Variants in MSRA observed in about 807,000 individuals in gnomAD.
The protein encoded by MSRA is methionine sulfoxide reductase A.
Under a neutral mutation model 31.3 loss-of-function variants are expected in MSRA, and 54 were observed. The ratio of observed to expected loss-of-function variants is 1.73; its 90% CI spans 1.39 to 2.17. MSRA has a LOEUF of 2.17. Ranked by LOEUF, MSRA falls within the 30% of genes most tolerant of loss-of-function variation. The pLI is 0.00. For missense variants in MSRA, 507 were observed against 300.9 expected (o/e 1.69, Z -5.07); for synonymous variants, 169 against 116.5 (o/e 1.45, Z -2.90).
chr8:10,071,726 G>C (rs1797740833), intron 1 of MSRA, among the ~76,000 whole-genome samples: 1 of 152,144 alleles, frequency 6.6e-6, no homozygotes, highest in Non-Finnish European at 1.5e-5. Flanking sequence ...GTTCATTTGT[G>C]TCAAACAGAA....
intron 1 of MSRA, among the ~76,000 whole-genome samples, chr8:10,176,719 G>A (rs1258629401): frequency 6.6e-6 from 1 of 152,206 alleles, no homozygotes; most frequent in African/African-American, 2.4e-5. Context: ...GACTTACGAA[G>A]TGAACTGGTT....
chr8:10,092,742 C>G (rs1326890301), intron 1 of MSRA, among the ~76,000 whole-genome samples: 1 of 152,030 alleles, frequency 6.6e-6, no homozygotes, highest in East Asian at 1.9e-4. Context: ...TGTTTCCTTG[C>G]TGATCTTTTG....
chr8:10,309,165 A>T (rs1801298512), intron 4 of MSRA, among the ~76,000 whole-genome samples: 1 of 152,262 alleles, frequency 6.6e-6, no homozygotes, highest in African/African-American at 2.4e-5. Context: ...CATGAGGTAA[A>T]ATCACATGTT....
intron 1 of MSRA, among the ~76,000 whole-genome samples, chr8:10,127,941 AGGGCAGTGTTTCTCCTG>A (rs956216472): frequency 5.9e-5 from 9 of 152,078 alleles, no homozygotes; most frequent in Middle Eastern, 3.2e-3. Context: ...ATGTGCCACC[AGGGCAGTGTTTCTCCTG>A]GGGCAGTGTT....
chr8:10,247,962 A>C (rs961203698), intron 3 of MSRA, among the ~76,000 whole-genome samples: 1 of 152,120 alleles, frequency 6.6e-6, no homozygotes, highest in African/African-American at 2.4e-5. Context: ...TTTTTGACCA[A>C]GGAGAGGGGT....
chr8:10,326,029 T>C lies in MSRA; in HGVS notation c.543+6040T>C, dbSNP rs76733885. 3.3e-5 allele frequency among the ~76,000 whole-genome samples: 5 copies of C among 152,356 alleles called. No homozygotes were observed. The East Asian group carries it at 9.6e-4, about 29-fold the overall frequency. ...CTCATTCTGTTCATTTTACATACAC[T>C]GCTTTCCTCTTCAGAAGGCTTGGTG... On this transcript the variant is annotated intron_variant, in intron 5 of 5. Transcript: ENST00000317173.
chr8:10,096,812 A>T (rs746353867), intron 1 of MSRA, among the ~76,000 whole-genome samples: 1 of 152,224 alleles, frequency 6.6e-6, no homozygotes, highest in Non-Finnish European at 1.5e-5. Flanking sequence ...ACTGTAAGGC[A>T]TGTGTTACTG....
intron 3 of MSRA, among the ~76,000 whole-genome samples, chr8:10,280,998 G>A (rs1799594116): frequency 6.6e-6 from 1 of 152,174 alleles, no homozygotes; most frequent in Non-Finnish European, 1.5e-5. Flanking sequence ...TAGCTTGGAC[G>A]GGGGAGATGG....
intron 5 of MSRA, among the ~76,000 whole-genome samples, chr8:10,339,531 CT>C (rs774034241): frequency 0.073 from 5,255 of 72,288 alleles, 95 homozygotes; most frequent in East Asian, 0.21. Flanking sequence ...TTCTTTCTTT[CT>C]TTTTTTTTTT....
chr8:10,247,914 C>T (rs1797708110), intron 3 of MSRA, among the ~76,000 whole-genome samples: 1 of 152,104 alleles, frequency 6.6e-6, no homozygotes, highest in African/African-American at 2.4e-5. Context: ...AAATAAGGTC[C>T]CTCGCTAGAG....
intron 1 of MSRA, among the ~76,000 whole-genome samples, chr8:10,189,835 T>G (rs902461506): frequency 6.6e-6 from 1 of 152,214 alleles, no homozygotes. Context: ...GTGGGTCTTA[T>G]GAAATGAGCT....
At chr8:10,211,184 A>G (rs1167380869) in intron 2 of MSRA, among the ~76,000 whole-genome samples, 1 of 152,200 alleles carries the variant, frequency 6.6e-6, no homozygotes, top group African/African-American at 2.4e-5. Context: ...GTCAGGAAAG[A>G]CAGATAGAGT....
intron 2 of MSRA, among the ~76,000 whole-genome samples, chr8:10,233,622 C>G (rs1811683683): frequency 6.6e-6 from 1 of 152,156 alleles, no homozygotes; most frequent in Admixed American, 6.5e-5. Context: ...GTGAATAGTT[C>G]TGATGCACAT....
At chr8:10,380,506 C>T (rs532840406) in intron 5 of MSRA, among the ~76,000 whole-genome samples, 3 of 152,302 alleles carry the variant, frequency 2.0e-5, no homozygotes, top group South Asian at 4.1e-4. Context: ...GATGGTGTGG[C>T]CTCTTTTCCT....
intron 5 of MSRA, among the ~76,000 whole-genome samples, chr8:10,417,430 A>ACACACACACACC (rs1808529431): frequency 6.6e-6 from 1 of 150,612 alleles, no homozygotes; most frequent in Admixed American, 6.6e-5. Flanking sequence ...ACACACACAC[A>ACACACACACACC]CACACACACA....
intron 5 of MSRA, among the ~76,000 whole-genome samples, chr8:10,355,557 T>G (rs951720616): frequency 6.6e-6 from 1 of 151,802 alleles, no homozygotes; most frequent in Non-Finnish European, 1.5e-5. Context: ...GTTGGAGGAG[T>G]GGGCTCACCT....
chr8:10,293,997 A>G (rs959727576), intron 3 of MSRA, among the ~76,000 whole-genome samples: 1 of 152,140 alleles, frequency 6.6e-6, no homozygotes, highest in African/African-American at 2.4e-5. Context: ...TGAGGTTAGG[A>G]GTTTGAGACC....
At chr8:10,295,230 G>C (rs750329449) in intron 3 of MSRA, among the ~76,000 whole-genome samples, 6 of 152,124 alleles carry the variant, frequency 3.9e-5, no homozygotes, top group Non-Finnish European at 8.8e-5. Context: ...CTGCTCCTCA[G>C]CTGGGCACCA....
chr8:10,253,063 A>T (rs1425854283), intron 3 of MSRA, among the ~76,000 whole-genome samples: 1 of 152,206 alleles, frequency 6.6e-6, no homozygotes, highest in Non-Finnish European at 1.5e-5. Flanking sequence ...ATTAGACATC[A>T]GAGAGGGTGA....
Sources: allele counts gnomAD v4.1 joint callset (sites outside exome capture counted in the v4.1 genomes callset), GRCh38; gene constraint gnomAD v4.1.1; transcripts MANE v1.5; gene names NCBI Gene and HGNC (gene_info 2026-07-23, HGNC 2026-07-21).